COL6A2: variants seen among roughly 807,000 people sequenced by gnomAD.
COL6A2 encodes collagen alpha-2(VI) chain.
Under a neutral mutation model 124.9 loss-of-function variants are expected in COL6A2, and 90 were observed. The observed-to-expected ratio is 0.72, with a 90% confidence interval of 0.61 to 0.86. COL6A2 has a LOEUF of 0.86. Among genes scored for constraint, COL6A2 ranks in the 40% least tolerant of loss-of-function variants. COL6A2 has a pLI of 0.00. For missense variants in COL6A2, 1,607 were observed against 1,502.5 expected (o/e 1.07, Z -1.15); for synonymous variants, 793 against 618.2 (o/e 1.28, Z -4.19).
In COL6A2 at chr21:46,112,209, G is replaced by A. The variant is rs764515975; in HGVS notation, c.346G>A (p.Ala116Thr). 3.7e-6 allele frequency: 6 copies of A among 1,612,908 alleles called. No homozygotes were observed. Among genetic ancestry groups the A allele is most frequent in the Non-Finnish European group, 5.1e-6 (6 of 1,180,032 alleles). ...GTTCAGCCCACCGGGCAGCGACCGG[G>A]CCTCCTTCATCAAGAACCTGCAGGG... ...EVFSPPGSDR[A>T]SFIKNLQGIS... The change falls in exon 3 of 28, where the codon GCC becomes ACC. Residue 116 changes from alanine to threonine, a missense_variant. Transcript: ENST00000300527.
At position 46,132,026 on chromosome 21, in the gene COL6A2, G is replaced by A; in HGVS notation, c.2534G>A (p.Gly845Asp). The change falls in exon 28 of 28, where the codon GGT becomes GAT. Residue 845 changes from glycine to aspartate, a missense_variant. Gly to Asp is a moderately conservative substitution (Grantham distance 94). This residue lies in a region of COL6A2 where 1,223 missense variants were observed against 1,052.2 expected (regional missense o/e 1.16). Coordinates refer to ENST00000300527, the MANE Select transcript of COL6A2 (RefSeq NM_001849.4). ...CTGCTGGACGGCTCCGAGCGGCTGG[G>A]TGAGCAGAACTTCCACAAGGCCCGG... ...VFLLDGSERL[G>D]EQNFHKARRF... 6.2e-7 allele frequency: 1 copy of A among 1,609,410 alleles called. No individual in the cohort carries two copies. The highest frequency in any genetic ancestry group is 8.5e-7 in the Non-Finnish European group (1 of 1,179,412).
intron 21 of COL6A2, among the ~76,000 whole-genome samples, chr21:46,123,700 G>GATGAATGA (rs147343161): frequency 6.7e-6 from 1 of 150,206 alleles, no homozygotes. Flanking sequence ...TGGGTAGGTG[G>GATGAATGA]GTAGATGGAT....
At chr21:46,119,590 A>G (rs2078528528) in intron 14 of COL6A2, among the ~76,000 whole-genome samples, 198 bp from the exon 15 acceptor site, 1 of 152,226 alleles carries the variant, frequency 6.6e-6, no homozygotes, top group African/African-American at 2.4e-5. Context: ...CCGACGCAGC[A>G]GAGGGACGAG....
In COL6A2 at chr21:46,132,572, C is replaced by G; in HGVS notation, c.*20C>G. ...TGCTAGCGCCGCCGCCCGGGCCCCGCAGTCGAGGGTCGTGAGCCCACCCCG... is the reference window on the plus strand; with the variant it reads ...TGCTAGCGCCGCCGCCCGGGCCCCGGAGTCGAGGGTCGTGAGCCCACCCCG... On this transcript the variant is annotated 3_prime_UTR_variant, in exon 28 of 28. Coordinates refer to ENST00000300527, the MANE Select transcript of COL6A2 (RefSeq NM_001849.4). 6.4e-7 allele frequency: 1 copy of G among 1,573,982 alleles called. No homozygotes were observed. The highest frequency in any genetic ancestry group is 8.6e-7 in the Non-Finnish European group (1 of 1,165,710).
chr21:46,109,768 G>A (rs1293770212), intron 1 of COL6A2, among the ~76,000 whole-genome samples: 1 of 152,132 alleles, frequency 6.6e-6, no homozygotes. Flanking sequence ...TGGTGGGAGC[G>A]GGAAGAAGCT....
intron 1 of COL6A2, 75 bp from the exon 2 acceptor site, chr21:46,111,375 C>T (rs925177921): frequency 3.0e-5 from 24 of 800,294 alleles, no homozygotes; most frequent in East Asian, 1.6e-4. Flanking sequence ...ACCTGCTGTG[C>T]GTGCGCCTGC....
chr21:46,122,801 A>G, intron 20 of COL6A2, 74 bp from the exon 21 acceptor site: 2 of 1,451,376 alleles, frequency 1.4e-6, no homozygotes, highest in Middle Eastern at 1.7e-4. Context: ...CGATTTTTCC[A>G]CATAAAAATC....
At chr21:46,105,813 CA>C (rs1184172215) in intron 1 of COL6A2, among the ~76,000 whole-genome samples, 1 of 151,554 alleles carries the variant, frequency 6.6e-6, no homozygotes, top group Non-Finnish European at 1.5e-5. Flanking sequence ...AAATTAAGGA[CA>C]AAAAAATCCA....
intron 1 of COL6A2, among the ~76,000 whole-genome samples, chr21:46,099,622 G>C (rs1325584601): frequency 2.0e-5 from 3 of 152,184 alleles, no homozygotes; most frequent in Admixed American, 6.5e-5. Context: ...GGGTCCTGGT[G>C]CTGCTCATGG....
chr21:46,121,020 T>C lies in COL6A2; in HGVS notation c.1396-41T>C, dbSNP rs769666812. On this transcript the variant is annotated intron_variant, in intron 16 of 27. Transcript: ENST00000300527. The stretch of plus-strand genomic sequence containing the variant: ...GATACTGGGGACTCCAGGGTGCTGC[T>C]GTCAGTCAAGAGAACCCCAAATTCC... 1.9e-6 allele frequency: 3 copies of C among 1,589,252 alleles called. No individual in the cohort carries two copies. In the South Asian group the frequency reaches 3.3e-5, roughly 18 times the overall value.
Position 46,121,134 on chromosome 21 carries a change from G to A in COL6A2, c.1458+11G>A, listed in dbSNP as rs766726652. ...GAGCCCGGAAAGCAGGTCAGTGTCA[G>A]TGCAGGAGGCCGGTGCCCTCTGACC... On this transcript the variant is annotated intron_variant, in intron 17 of 27. Transcript: ENST00000300527. 1 of 1,612,460 alleles carries A rather than the reference G, an allele frequency of 6.2e-7. No individual in the cohort carries two copies. Among genetic ancestry groups the A allele is most frequent in the African/African-American group, 1.3e-5 (1 of 74,858 alleles).
intron 4 of COL6A2, chr21:46,113,518 A>C (rs2078432508): frequency 6.3e-6 from 1 of 158,248 alleles, no homozygotes; most frequent in African/African-American, 2.4e-5. Context: ...CTGGGACTAC[A>C]GGCACCTGCC....
intron 17 of COL6A2, 63 bp downstream of exon 17, chr21:46,121,186 T>C: frequency 6.6e-7 from 1 of 1,503,950 alleles, no homozygotes; most frequent in Middle Eastern, 1.7e-4. Flanking sequence ...CCTATCCATG[T>C]GGGGACAGCC....
Position 46,125,603 on chromosome 21 carries a change from C to G in COL6A2, c.1955C>G (p.Pro652Arg). ...AGGCTGGGTGCCATCGCTAAGGACCCCAAGTCCGAGACAGGTCAGCGGGGC... is the reference window on the plus strand; with the variant it reads ...AGGCTGGGTGCCATCGCTAAGGACCGCAAGTCCGAGACAGGTCAGCGGGGC... ...VNRLGAIAKD[P>R]KSETGTRVGV... The change falls in exon 25 of 28, where the codon CCC becomes CGC. Residue 652 changes from proline to arginine, a missense_variant. By Grantham distance (103) the Pro-to-Arg change is moderately radical (BLOSUM62 -2). Coordinates refer to ENST00000300527, the MANE Select transcript of COL6A2 (RefSeq NM_001849.4). 1 of 1,612,720 alleles carries G rather than the reference C, an allele frequency of 6.2e-7. No homozygotes were observed. Among genetic ancestry groups the G allele is most frequent in the East Asian group, 2.2e-5 (1 of 44,862 alleles).
intron 27 of COL6A2, among the ~76,000 whole-genome samples, chr21:46,130,017 T>G (rs942379779): frequency 1.2e-4 from 18 of 152,118 alleles, no homozygotes; most frequent in Admixed American, 1.3e-4. Context: ...CTGGTGAGCC[T>G]CGCTGGGTGT....
chr21:46,127,502 G>A (rs1342520511), intron 27 of COL6A2, among the ~76,000 whole-genome samples: 2 of 152,118 alleles, frequency 1.3e-5, no homozygotes, highest in Non-Finnish European at 2.9e-5. Context: ...CCCTTCAGCA[G>A]GCGGGCAGCC....
In COL6A2 at chr21:46,126,099, A is replaced by G. The variant is rs376359740; in HGVS notation, c.2284A>G (p.Met762Val). The change falls in exon 26 of 28, where the codon ATG becomes GTG. Residue 762 changes from methionine (M) to valine (V), a missense_variant. Met to Val is a conservative substitution (Grantham distance 21). This residue lies in a region of COL6A2 where 1,223 missense variants were observed against 1,052.2 expected (regional missense o/e 1.16). Coordinates refer to ENST00000300527, the MANE Select transcript of COL6A2 (RefSeq NM_001849.4). ...AGTGACGGCCATCGGCATCGGGGAC[A>G]TGTTCCACGAGAAGCACGAGAGTGA... Reference protein sequence around the residue: ...VTVTAIGIGDMFHEKHESENL... With the variant: ...VTVTAIGIGDVFHEKHESENL... 72 of 1,612,708 alleles carry G rather than the reference A, an allele frequency of 4.5e-5. No individual in the cohort carries two copies. The highest frequency in any genetic ancestry group is 2.6e-4 in the South Asian group (24 of 91,092).
At chr21:46,104,519 A>G (rs879678063) in intron 1 of COL6A2, among the ~76,000 whole-genome samples, 26 of 152,224 alleles carry the variant, frequency 1.7e-4, no homozygotes, top group Non-Finnish European at 3.5e-4. Context: ...AATAAAGGTG[A>G]TCAGAGCCTA....
At chr21:46,129,954 G>A in intron 27 of COL6A2, 1 of 638,934 alleles carries the variant, frequency 1.6e-6, no homozygotes, top group African/African-American at 2.0e-5. Context: ...CCAGGTGCTG[G>A]AGGATGTTCC....
Sources: allele counts gnomAD v4.1 joint callset (sites outside exome capture counted in the v4.1 genomes callset), GRCh38; gene constraint gnomAD v4.1.1; regional missense constraint gnomAD v4.1.1; transcripts MANE v1.5; gene names NCBI Gene and HGNC (gene_info 2026-07-23, HGNC 2026-07-21).